Variants in TGM3 observed in about 807,000 individuals in gnomAD.
TGM3 encodes the protein protein-glutamine gamma-glutamyltransferase E.
TGM3 carries 52 observed loss-of-function variants against 73.8 expected under a neutral mutation model. The ratio of observed to expected loss-of-function variants is 0.70; its 90% CI spans 0.56 to 0.89. The LOEUF (loss-of-function observed/expected upper bound fraction) is 0.89. TGM3 is among the 40% of genes least tolerant of loss of function. TGM3 has a pLI of 0.00. For synonymous variants in TGM3, 372 were observed against 354.9 expected (o/e 1.05, Z -0.54); for missense variants, 928 against 909.9 (o/e 1.02, Z -0.26).
chr20:2,296,576 TTAGGAATGC>T (rs1227923720), intron 1 of TGM3, among the ~76,000 whole-genome samples: 1 of 152,016 alleles, frequency 6.6e-6, no homozygotes, highest in Non-Finnish European at 1.5e-5. Flanking sequence ...CTTAGGAGCA[TTAGGAATGC>T]TCCTAAGTAA....
chr20:2,299,407 C>G (rs2084130232), intron 1 of TGM3, among the ~76,000 whole-genome samples: 1 of 145,456 alleles, frequency 6.9e-6, no homozygotes, highest in Non-Finnish European at 1.5e-5. Context: ...CCTGAGCACT[C>G]CCCTTGTTCA....
intron 1 of TGM3, among the ~76,000 whole-genome samples, chr20:2,300,019 A>AC (rs1468451676): frequency 1.3e-5 from 2 of 152,000 alleles, no homozygotes; most frequent in Non-Finnish European, 2.9e-5. Context: ...AGGCAAGAGA[A>AC]CTGCTTGAAC....
chr20:2,330,615 C>A (rs1025133059), intron 9 of TGM3, among the ~76,000 whole-genome samples: 3 of 152,210 alleles, frequency 2.0e-5, no homozygotes, highest in Admixed American at 1.3e-4. Flanking sequence ...CTTCTTAGGG[C>A]CTTAACTTGA....
intron 9 of TGM3, among the ~76,000 whole-genome samples, chr20:2,331,029 A>G (rs1345682772): frequency 1.4e-5 from 2 of 144,530 alleles, no homozygotes; most frequent in African/African-American, 2.6e-5. Context: ...AAAAAAAAAG[A>G]GAGAGAAAAA....
chr20:2,337,358 A>G lies in TGM3; in HGVS notation c.1800+2085A>G, dbSNP rs190198453. Among the ~76,000 whole-genome samples the G allele has an allele frequency of 1.4e-3, 211 of 152,328 alleles. 2 individuals are homozygous for G. Among genetic ancestry groups the G allele is most frequent in the African/African-American group, 5.0e-3 (207 of 41,580 alleles). The stretch of plus-strand genomic sequence containing the variant: ...CCATTCCAACTCCTGAGGCTAGAAA[A>G]TGATACTGGGTGGCTGCCAGTTCAG... On this transcript the variant is annotated intron_variant, in intron 11 of 12. Transcript: ENST00000381458.
rs1016353329 is a variant in TGM3 at position 2,331,999 on chromosome 20, C to G, written c.1334-3C>G. 1 of 1,593,306 alleles carries G rather than the reference C, an allele frequency of 6.3e-7. No homozygotes were observed. Among genetic ancestry groups the G allele is most frequent in the African/African-American group, 1.3e-5 (1 of 74,488 alleles). ...CATGTTTCTGTCTTTTCCCACCACA[C>G]AGGCTCTGACCAGGAAAGACAAGTG... On this transcript the variant is annotated splice_region_variant and splice_polypyrimidine_tract_variant and intron_variant, in intron 9 of 12. Coordinates refer to ENST00000381458, the MANE Select transcript of TGM3 (RefSeq NM_003245.4).
intron 9 of TGM3, among the ~76,000 whole-genome samples, chr20:2,329,841 C>T (rs2084310183): frequency 6.6e-6 from 1 of 152,162 alleles, no homozygotes; most frequent in Non-Finnish European, 1.5e-5. Context: ...GGCATATAGT[C>T]AAGACTTGAT....
At position 2,317,331 on chromosome 20, in the gene TGM3, C is replaced by A. The variant is rs756581828; in HGVS notation, c.848-19C>A. On this transcript the variant is annotated intron_variant, in intron 6 of 12. Coordinates refer to ENST00000381458, the MANE Select transcript of TGM3 (RefSeq NM_003245.4). ...ACCATCTCCACCACCTGAGTCCTCACGCCCACCCTGACTTGCAGCGCTGCG... is the reference window on the plus strand; with the variant it reads ...ACCATCTCCACCACCTGAGTCCTCAAGCCCACCCTGACTTGCAGCGCTGCG... 22 of 1,614,160 alleles carry A rather than the reference C, an allele frequency of 1.4e-5. No individual in the cohort carries two copies. In the East Asian group the frequency reaches 4.9e-4, roughly 36 times the overall value.
Position 2,328,042 on chromosome 20 carries a change from C to T in TGM3, c.1088-78C>T, listed in dbSNP as rs2084298659. ...GCAGAGGCAGGGGGTTGCAGTGGTC[C>T]TGGAAGGCCCTGGGGAATCGGGCAC... On this transcript the variant is annotated intron_variant, in intron 8 of 12. Coordinates refer to ENST00000381458, the MANE Select transcript of TGM3 (RefSeq NM_003245.4). The surrounding 1 kb of genome is among the most constrained non-coding windows in gnomAD (Gnocchi z 5.2). 1 of 1,588,462 alleles carries T rather than the reference C, an allele frequency of 6.3e-7. No individual in the cohort carries two copies. Among genetic ancestry groups the T allele is most frequent in the Non-Finnish European group, 8.6e-7 (1 of 1,164,820 alleles).
At chr20:2,331,203 G>A (rs1333503137) in intron 9 of TGM3, among the ~76,000 whole-genome samples, 2 of 151,876 alleles carry the variant, frequency 1.3e-5, no homozygotes, top group Admixed American at 6.6e-5. Flanking sequence ...CTATCTTCAG[G>A]TCAAGCCTTT....
intron 1 of TGM3, 146 bp downstream of exon 1, chr20:2,296,216 C>T: frequency 1.0e-6 from 1 of 957,178 alleles, no homozygotes; most frequent in Non-Finnish European, 1.6e-6. Context: ...GGGTGCTAGC[C>T]AGAGGCGGCT....
chr20:2,333,128 C>T (rs545793739), intron 10 of TGM3, among the ~76,000 whole-genome samples: 4 of 152,312 alleles, frequency 2.6e-5, no homozygotes, highest in East Asian at 1.9e-4. Flanking sequence ...TTTGGACTTA[C>T]AAGCCGGATT....
intron 9 of TGM3, among the ~76,000 whole-genome samples, chr20:2,331,563 T>A (rs2084320989): frequency 6.6e-6 from 1 of 152,228 alleles, no homozygotes; most frequent in South Asian, 2.1e-4. Context: ...AAAAATTTTT[T>A]AATTAAGTCA....
rs2084276923 is a variant in TGM3, at chr20:2,324,556, T to A, written c.984-1293T>A. Among the ~76,000 whole-genome samples the A allele has an allele frequency of 2.0e-5, 3 of 152,204 alleles. No individual in the cohort carries two copies. The South Asian group carries it at 6.2e-4, about 31-fold the overall frequency. On this transcript the variant is annotated intron_variant, in intron 7 of 12. Coordinates refer to ENST00000381458, the MANE Select transcript of TGM3 (RefSeq NM_003245.4). ...AGTAGGCAGTGGCTCTGCTCTCAGT[T>A]CAGGGCTTTTATCTCCAGCTGAACA...
intron 10 of TGM3, among the ~76,000 whole-genome samples, chr20:2,333,787 A>G (rs942487174): frequency 1.3e-4 from 20 of 152,192 alleles, no homozygotes; most frequent in African/African-American, 4.6e-4. Flanking sequence ...AAAGAGAGAG[A>G]AGGCAGGTGT....
chr20:2,330,177 A>G (rs1433493673), intron 9 of TGM3, among the ~76,000 whole-genome samples: 1 of 152,194 alleles, frequency 6.6e-6, no homozygotes, highest in African/African-American at 2.4e-5. Context: ...TGAGGGCCCC[A>G]GAGAGGAAAA....
At chr20:2,298,789 A>G (rs214770) in intron 1 of TGM3, among the ~76,000 whole-genome samples, 109,217 of 151,938 alleles carry the variant, frequency 0.72, 42,024 homozygotes, top group East Asian at 0.93. Context: ...TGTGTCTGGC[A>G]CTGGGACCAA....
intron 1 of TGM3, among the ~76,000 whole-genome samples, chr20:2,302,393 G>T (rs889154367): frequency 1.3e-5 from 2 of 152,168 alleles, no homozygotes; most frequent in Non-Finnish European, 2.9e-5. Flanking sequence ...TAACATATTT[G>T]TGATTATGTT....
chr20:2,296,151 C>T, intron 1 of TGM3, 81 bp downstream of exon 1: 11 of 1,516,642 alleles, frequency 7.3e-6, no homozygotes, highest in Non-Finnish European at 9.8e-6. Flanking sequence ...GCCAGAGTGT[C>T]CGGCCAGGAC....
Sources: gnomAD v4.1 joint callset for allele counts (sites outside exome capture counted in the v4.1 genomes callset) on GRCh38, gnomAD v4.1.1 for gene constraint, Gnocchi (gnomAD v3.1) non-coding constraint, MANE v1.5 for transcripts, NCBI Gene and HGNC (gene_info 2026-07-23, HGNC 2026-07-21) for gene names.